ZNF93: variants seen among roughly 807,000 people sequenced by gnomAD.
ZNF93 encodes the protein zinc finger protein 93, also known as zinc finger protein 505.
Under a neutral mutation model 45.0 loss-of-function variants are expected in ZNF93, and 29 were observed. The observed-to-expected ratio is 0.64, with a 90% CI of 0.48 to 0.88. ZNF93 has a LOEUF of 0.88. Among genes scored for constraint, ZNF93 ranks in the 40% least tolerant of loss-of-function variants. The pLI, the probability that ZNF93 is intolerant of heterozygous loss-of-function variation, is 0.00. For synonymous variants in ZNF93, 223 were observed against 244.6 expected, an observed-to-expected ratio of 0.91 and a Z score of 0.82; for missense variants, 578 against 724.0, an observed-to-expected ratio of 0.80 and a Z score of 2.31.
chr19:19,930,037 G>A (rs1469176463), intron 3 of ZNF93, among the ~76,000 whole-genome samples: 1 of 151,406 alleles, frequency 6.6e-6, no homozygotes, highest in Non-Finnish European at 1.5e-5. Context: ...CCACCAAGAC[G>A]TGGAGACCGA....
rs1296044531 is a variant in ZNF93 at position 19,933,409 on chromosome 19, A to G, written c.454A>G (p.Lys152Glu). The change falls in exon 4 of 4, where the codon AAA becomes GAA. Residue 152 changes from lysine (K) to glutamate (E), a missense_variant. Lys to Glu is a moderately conservative substitution (Grantham distance 56, BLOSUM62 1). This residue lies in a region of ZNF93 where 446 missense variants were observed against 547.6 expected (regional missense o/e 0.81). Transcript: ENST00000343769. ...AGTATTTCAATGTGATAAATATGGG[A>G]AAGTCTTTCATAAATTTTCAAATTC... ...SKVFQCDKYG[K>E]VFHKFSNSNR... 1 of 1,596,708 alleles carries G rather than the reference A, an allele frequency of 6.3e-7. No individual in the cohort carries two copies. The highest frequency in any genetic ancestry group is 1.4e-5 in the African/African-American group (1 of 73,842).
At chr19:19,926,887 TTTATC>T (rs1198223522) in intron 3 of ZNF93, among the ~76,000 whole-genome samples, 4 of 152,116 alleles carry the variant, frequency 2.6e-5, no homozygotes, top group East Asian at 1.9e-4. Flanking sequence ...CGATGGTAGT[TTTATC>T]TTGTCTAAGT....
At chr19:19,927,843 G>A (rs1361512802) in intron 3 of ZNF93, among the ~76,000 whole-genome samples, 1 of 152,174 alleles carries the variant, frequency 6.6e-6, no homozygotes, top group Non-Finnish European at 1.5e-5. Flanking sequence ...CTGCCTTCTG[G>A]TTCAAGCAAT....
At chr19:19,917,393 T>C (rs924693843) in intron 3 of ZNF93, among the ~76,000 whole-genome samples, 5 of 151,644 alleles carry the variant, frequency 3.3e-5, no homozygotes, top group African/African-American at 1.2e-4. Context: ...AATTTTTTTA[T>C]TGTAAAGATT....
chr19:19,916,054 A>G (rs994201638), intron 2 of ZNF93, among the ~76,000 whole-genome samples: 1 of 150,210 alleles, frequency 6.7e-6, no homozygotes, highest in Non-Finnish European at 1.5e-5. Flanking sequence ...ACAAATTGGA[A>G]GTATTTTCTT....
intron 1 of ZNF93, among the ~76,000 whole-genome samples, chr19:19,913,951 G>A (rs2063316770): frequency 6.6e-6 from 1 of 152,086 alleles, no homozygotes; most frequent in Non-Finnish European, 1.5e-5. Context: ...TTTCCTCCGT[G>A]AGTTTGATTT....
chr19:19,923,972 G>A (rs773760784), intron 3 of ZNF93, among the ~76,000 whole-genome samples: 10 of 152,172 alleles, frequency 6.6e-5, no homozygotes, highest in Non-Finnish European at 1.3e-4. Context: ...CGGTACCTCA[G>A]TTGGAGATGC....
rs545204225 is a variant in ZNF93 at position 19,927,267 on chromosome 19, G to A, written c.227-5915G>A. 5.5e-4 allele frequency: 221 copies of A among 398,238 alleles called. 2 individuals are homozygous for A. In the South Asian group the frequency reaches 0.021, roughly 38 times the overall value. 24.7% of individuals were successfully genotyped at this position (398,238 alleles called of 1,614,324 possible). A position where few individuals can be genotyped will look rare whatever the true frequency, so the allele number is the denominator to read the frequency against. On this transcript the variant is annotated intron_variant, in intron 3 of 3. Transcript: ENST00000343769. Reference sequence around the variant, plus strand: ...TAATAATAGCCAGGCATGGTGGTGTGCAGCTGTGGTCCCAGCTACTTGGGA... The same window carrying A: ...TAATAATAGCCAGGCATGGTGGTGTACAGCTGTGGTCCCAGCTACTTGGGA...
chr19:19,932,366 C>T (rs28669060), intron 3 of ZNF93: 14,005 of 152,286 alleles, frequency 0.092, 1,173 homozygotes, highest in African/African-American at 0.23. Context: ...AACTACCAAT[C>T]CTTTGTATTT....
chr19:19,934,946 C>A lies in ZNF93; in HGVS notation c.*128C>A. ...CAGTCTGGCAGAGGTCCTGCCATTT[C>A]GGAGACCTGGAGGAAGTGGCCCATT... On this transcript the variant is annotated 3_prime_UTR_variant, in exon 4 of 4. Transcript: ENST00000343769. 1 of 1,078,324 alleles carries A rather than the reference C, an allele frequency of 9.3e-7. No individual in the cohort carries two copies. Among genetic ancestry groups the A allele is most frequent in the Non-Finnish European group, 1.3e-6 (1 of 768,766 alleles). The allele number at this position is 1,078,324 out of a possible 1,614,324, so 66.8% of individuals were successfully genotyped here.
At chr19:19,912,189 A>C (rs1258407485) in intron 1 of ZNF93, among the ~76,000 whole-genome samples, 1 of 152,230 alleles carries the variant, frequency 6.6e-6, no homozygotes, top group African/African-American at 2.4e-5. Flanking sequence ...TAGAAAAGAT[A>C]AAAACTACAG....
intron 1 of ZNF93, among the ~76,000 whole-genome samples, chr19:19,913,043 T>A (rs904269225): frequency 7.2e-5 from 11 of 152,228 alleles, no homozygotes; most frequent in African/African-American, 1.9e-4. Flanking sequence ...AAGTATTTGG[T>A]TATGGCAAGA....
intron 3 of ZNF93, among the ~76,000 whole-genome samples, chr19:19,928,874 A>G (rs1423493106): frequency 6.6e-6 from 1 of 152,204 alleles, no homozygotes; most frequent in Non-Finnish European, 1.5e-5. Context: ...AGGTGCAAAT[A>G]AGAATATTGT....
chr19:19,912,593 T>C (rs1246983998), intron 1 of ZNF93, among the ~76,000 whole-genome samples: 3 of 152,132 alleles, frequency 2.0e-5, no homozygotes, highest in African/African-American at 4.8e-5. Context: ...CAGTAGTTGC[T>C]GCACAAGTCA....
intron 3 of ZNF93, among the ~76,000 whole-genome samples, chr19:19,922,347 C>T (rs2063344516): frequency 6.6e-6 from 1 of 152,154 alleles, no homozygotes; most frequent in Non-Finnish European, 1.5e-5. Flanking sequence ...TTGTGGGTAA[C>T]CTGACCTTTC....
rs892316748 is a variant in ZNF93, at chr19:19,935,103, C to T, written c.*285C>T. ...CCTATATAGAAACCCACACAGTTAACCTGAGGAAATGCTCTCTGGTACTCA... is the reference window on the plus strand; with the variant it reads ...CCTATATAGAAACCCACACAGTTAATCTGAGGAAATGCTCTCTGGTACTCA... On this transcript the variant is annotated 3_prime_UTR_variant, in exon 4 of 4. Transcript: ENST00000343769. 2.6e-5 allele frequency: 10 copies of T among 380,714 alleles called. No homozygotes were observed. Among genetic ancestry groups the T allele is most frequent in the Non-Finnish European group, 4.7e-5 (10 of 213,080 alleles). The allele number at this position is 380,714 out of a possible 1,614,324, so 23.6% of individuals were successfully genotyped here.
chr19:19,906,729 T>A (rs971689668), intron 1 of ZNF93, among the ~76,000 whole-genome samples: 3 of 152,016 alleles, frequency 2.0e-5, no homozygotes, highest in Non-Finnish European at 2.9e-5. Context: ...GGGGTCCAGT[T>A]TCAGTCTTCT....
At chr19:19,927,982 A>T (rs1304395987) in intron 3 of ZNF93, among the ~76,000 whole-genome samples, 2 of 152,194 alleles carry the variant, frequency 1.3e-5, no homozygotes, top group Non-Finnish European at 2.9e-5. Context: ...TTCTGACCTC[A>T]GGTATCTGCC....
chr19:19,910,663 T>G (rs779139625), intron 1 of ZNF93, among the ~76,000 whole-genome samples: 3 of 151,958 alleles, frequency 2.0e-5, no homozygotes, highest in Non-Finnish European at 4.4e-5. Context: ...TTTTTTTTTT[T>G]TTTCATGTAG....
Sources: allele counts gnomAD v4.1 joint callset (sites outside exome capture counted in the v4.1 genomes callset), GRCh38; gene constraint gnomAD v4.1.1; regional missense constraint gnomAD v4.1.1; transcripts MANE v1.5; gene names NCBI Gene and HGNC (gene_info 2026-07-23, HGNC 2026-07-21).